The following RBP2 variants were observed in gnomAD, a reference collection of about 807,000 sequenced individuals.
The protein encoded by RBP2 is retinol-binding protein 2.
A neutral mutation model predicts 17.0 loss-of-function variants in RBP2; 17 were observed. The ratio of observed to expected loss-of-function variants is 1.00; its 90% CI spans 0.68 to 1.50. RBP2 has a LOEUF of 1.50. RBP2 is among the 40% of genes most tolerant of loss of function. The pLI is 0.00. For missense variants in RBP2, 158 were observed against 168.2 expected (o/e 0.94, Z 0.33); for synonymous variants, 48 against 57.1 (o/e 0.84, Z 0.72).
At chr3:139,476,311 A>G in intron 1 of RBP2, 76 bp downstream of exon 1, 1 of 1,261,536 alleles carries the variant, frequency 7.9e-7, no homozygotes, top group Non-Finnish European at 1.2e-6. Flanking sequence ...TGAACTCCAT[A>G]GCAGCACTGT....
intron 1 of RBP2, among the ~76,000 whole-genome samples, chr3:139,475,491 T>C (rs1051248396): frequency 6.6e-6 from 1 of 152,134 alleles, no homozygotes; most frequent in Non-Finnish European, 1.5e-5. Flanking sequence ...CCTCCCACCA[T>C]CATATCCAAG....
chr3:139,470,491 T>G (rs887725715), intron 1 of RBP2, among the ~76,000 whole-genome samples: 5 of 151,984 alleles, frequency 3.3e-5, no homozygotes, highest in African/African-American at 1.2e-4. Flanking sequence ...TGATTCATTT[T>G]CCATGCTGTG....
chr3:139,464,536 C>T (rs1391902165), intron 1 of RBP2, among the ~76,000 whole-genome samples: 1 of 152,162 alleles, frequency 6.6e-6, no homozygotes, highest in Non-Finnish European at 1.5e-5. Context: ...CACTTTGGGT[C>T]AGCAATCTGA....
At chr3:139,460,228 C>T (rs947977208) in intron 2 of RBP2, among the ~76,000 whole-genome samples, 1 of 152,154 alleles carries the variant, frequency 6.6e-6, no homozygotes, top group Non-Finnish European at 1.5e-5. Flanking sequence ...TTCTGGTGTC[C>T]AATGAATTGG....
chr3:139,461,578 A>G (rs2107871570), intron 2 of RBP2, among the ~76,000 whole-genome samples: 1 of 152,332 alleles, frequency 6.6e-6, no homozygotes, highest in Non-Finnish European at 1.5e-5. Flanking sequence ...TTTTCTAAAA[A>G]AATGAAATCA....
At chr3:139,469,271 A>G (rs1000026569) in intron 1 of RBP2, among the ~76,000 whole-genome samples, 2 of 152,128 alleles carry the variant, frequency 1.3e-5, no homozygotes, top group African/African-American at 4.8e-5. Flanking sequence ...TCCTCCAGAA[A>G]ACACATTTAG....
At chr3:139,468,131 C>T (rs1933426306) in intron 1 of RBP2, among the ~76,000 whole-genome samples, 1 of 152,172 alleles carries the variant, frequency 6.6e-6, no homozygotes, top group Non-Finnish European at 1.5e-5. Context: ...AATTGAAAAT[C>T]TACAGAGAAA....
At chr3:139,467,621 A>C (rs1332864795) in intron 1 of RBP2, among the ~76,000 whole-genome samples, 2 of 152,202 alleles carry the variant, frequency 1.3e-5, no homozygotes, top group East Asian at 3.9e-4. Context: ...GATTCAGTAA[A>C]AATAATGGTA....
chr3:139,466,622 C>T (rs1324923347), intron 1 of RBP2: 1 of 152,242 alleles, frequency 6.6e-6, no homozygotes, highest in Admixed American at 6.5e-5. Flanking sequence ...AGATCTAAAG[C>T]AGCAGAGGGC....
intron 1 of RBP2, among the ~76,000 whole-genome samples, chr3:139,469,726 T>TATCTATCTATC (rs1553722536): frequency 1.5e-4 from 22 of 151,092 alleles, no homozygotes; most frequent in African/African-American, 5.2e-4. Flanking sequence ...TCTATCTATC[T>TATCTATCTATC]ATCTATCTAC....
chr3:139,474,315 T>G (rs1220596773), intron 1 of RBP2, among the ~76,000 whole-genome samples: 4 of 152,090 alleles, frequency 2.6e-5, no homozygotes, highest in African/African-American at 4.8e-5. Context: ...GATGGTGTAG[T>G]GTACTCTGCA....
chr3:139,453,143 C>T lies in RBP2; in HGVS notation c.378G>A (p.Val126=), dbSNP rs928021658. 3.1e-6 allele frequency: 5 copies of T among 1,614,154 alleles called. No homozygotes were observed. The highest frequency in any genetic ancestry group is 1.1e-5 in the South Asian group (1 of 91,078). Residue 126 remains valine (V), a synonymous_variant, in exon 4 of 4, where the codon GTG becomes GTA. Coordinates refer to ENST00000232217, the MANE Select transcript of RBP2 (RefSeq NM_004164.3). ...ATTTCTTTTTGAACACTTGACGGCA[C>T]ACCTGGTCACCACAGGTCAGCTCCT... ...LYLELTCGDQ[V]CRQVFKKK
intron 2 of RBP2, among the ~76,000 whole-genome samples, chr3:139,456,107 G>C (rs1036251665): frequency 2.0e-5 from 3 of 152,124 alleles, no homozygotes; most frequent in East Asian, 1.9e-4. Flanking sequence ...TGCCTGTGTT[G>C]TTCTTCTTCG....
chr3:139,457,578 C>G (rs144666561), intron 2 of RBP2, among the ~76,000 whole-genome samples: 1 of 152,130 alleles, frequency 6.6e-6, no homozygotes, highest in African/African-American at 2.4e-5. Context: ...ATAATACTTA[C>G]AATATTATAG....
chr3:139,476,181 T>TA (rs780296134), intron 1 of RBP2, among the ~76,000 whole-genome samples: 17 of 152,166 alleles, frequency 1.1e-4, no homozygotes, highest in Admixed American at 2.0e-4. Flanking sequence ...ATCCTAGACA[T>TA]AATCTCATTT....
At chr3:139,460,978 A>C (rs1220368366) in intron 2 of RBP2, among the ~76,000 whole-genome samples, 3 of 152,214 alleles carry the variant, frequency 2.0e-5, no homozygotes, top group African/African-American at 4.8e-5. Context: ...AACCTTCCCA[A>C]ATCTCTTGGA....
chr3:139,452,939 C>T lies in RBP2; in HGVS notation c.*177G>A. Reference sequence around the variant, plus strand: ...TGTTTTTCCATTTAATGCTAGGTTTCAAAGGAGGGGAATATGTCTATCACT... The same window carrying T: ...TGTTTTTCCATTTAATGCTAGGTTTTAAAGGAGGGGAATATGTCTATCACT... On this transcript the variant is annotated 3_prime_UTR_variant, in exon 4 of 4. Coordinates refer to ENST00000232217, the MANE Select transcript of RBP2 (RefSeq NM_004164.3). 1.6e-6 allele frequency: 1 copy of T among 633,584 alleles called. No individual in the cohort carries two copies. Among genetic ancestry groups the T allele is most frequent in the Admixed American group, 2.8e-5 (1 of 35,790 alleles). 39.2% of individuals were successfully genotyped at this position (633,584 alleles called of 1,614,324 possible). A position where few individuals can be genotyped will look rare whatever the true frequency, so the allele number is the denominator to read the frequency against.
chr3:139,458,234 G>A (rs1374748075), intron 2 of RBP2, among the ~76,000 whole-genome samples: 1 of 151,450 alleles, frequency 6.6e-6, no homozygotes, highest in Non-Finnish European at 1.5e-5. Flanking sequence ...TAAGAGCATT[G>A]AAGGACAGTA....
At chr3:139,475,822 AATT>A (rs1933720145) in intron 1 of RBP2, among the ~76,000 whole-genome samples, 2 of 152,186 alleles carry the variant, frequency 1.3e-5, no homozygotes, top group African/African-American at 4.8e-5. Context: ...GACATGCACC[AATT>A]GGTAGCCCTT....
Sources: allele counts gnomAD v4.1 joint callset (sites outside exome capture counted in the v4.1 genomes callset), GRCh38; gene constraint gnomAD v4.1.1; transcripts MANE v1.5; gene names NCBI Gene and HGNC (gene_info 2026-07-23, HGNC 2026-07-21).